BRAF: variants seen among roughly 807,000 people sequenced by gnomAD.
BRAF encodes B-Raf proto-oncogene, serine/threonine kinase.
Under a neutral mutation model 104.6 loss-of-function variants are expected in BRAF, and 16 were observed. The observed-to-expected ratio is 0.15, with a 90% CI of 0.10 to 0.23. The LOEUF (loss-of-function observed/expected upper bound fraction) is 0.23, where lower values mean the gene tolerates loss of function less well. Ranked by LOEUF, BRAF falls within the 10% of genes least tolerant of loss-of-function variation. The probability of loss-of-function intolerance (pLI) is 1.00; values close to 1 mark genes in which losing one functional copy is unlikely to be tolerated. For synonymous variants in BRAF, 310 were observed against 341.6 expected, an observed-to-expected ratio of 0.91 and a Z score of 1.02; for missense variants, 541 against 937.3, an observed-to-expected ratio of 0.58 and a Z score of 5.52.
At chr7:140,894,679 C>G (rs1166223789) in intron 1 of BRAF, among the ~76,000 whole-genome samples, 2 of 151,880 alleles carry the variant, frequency 1.3e-5, no homozygotes, top group East Asian at 3.9e-4. Context: ...ATGGGAAACA[C>G]ACACATACCC....
chr7:140,795,052 T>C (rs1168135846), intron 7 of BRAF, among the ~76,000 whole-genome samples: 3 of 152,186 alleles, frequency 2.0e-5, no homozygotes, highest in Non-Finnish European at 2.9e-5. Flanking sequence ...TTTTTTATCA[T>C]GCCCATTATT....
chr7:140,855,076 A>G (rs1310840173), intron 1 of BRAF, among the ~76,000 whole-genome samples: 2 of 152,196 alleles, frequency 1.3e-5, no homozygotes, highest in African/African-American at 2.4e-5. Context: ...AAAAAGTCAC[A>G]ATGACCCTTG....
Position 140,721,295 on chromosome 7 carries a change from A to G in BRAF, c.*5199T>C. The G allele has an allele frequency of 7.7e-6, 7 of 913,682 alleles. No individual in the cohort carries two copies. The highest frequency in any genetic ancestry group is 9.6e-6 in the Non-Finnish European group (7 of 730,438). 56.6% of individuals were successfully genotyped at this position (913,682 alleles called of 1,614,324 possible). A position where few individuals can be genotyped will look rare whatever the true frequency, so the allele number is the denominator to read the frequency against. ...GAGTTGCCGACTAATTGCCCCATGCATTTTTTTTTTTTAAAGCACTGTTAC... is the reference window on the plus strand; with the variant it reads ...GAGTTGCCGACTAATTGCCCCATGCGTTTTTTTTTTTTAAAGCACTGTTAC... On this transcript the variant is annotated 3_prime_UTR_variant, in exon 20 of 20. Coordinates refer to ENST00000644969, the MANE Select transcript of BRAF (RefSeq NM_001374258.1).
intron 2 of BRAF, among the ~76,000 whole-genome samples, chr7:140,843,437 T>C (rs1808202524): frequency 6.6e-6 from 1 of 152,220 alleles, no homozygotes; most frequent in South Asian, 2.1e-4. Context: ...CGCTTCTTGC[T>C]ATGTGAAAGG....
Position 140,719,483 on chromosome 7 carries a change from T to C in BRAF, c.*7011A>G. On this transcript the variant is annotated 3_prime_UTR_variant, in exon 20 of 20. Coordinates refer to ENST00000644969, the MANE Select transcript of BRAF (RefSeq NM_001374258.1). ...TCTGAATTTCAGCTATCTTTTTTTA[T>C]TCTCCATGCTTTCTATCCAAACTGA... is the stretch of plus-strand genomic sequence containing the variant. The C allele has an allele frequency of 9.8e-7, 1 of 1,019,782 alleles. No individual in the cohort carries two copies. The highest frequency in any genetic ancestry group is 1.2e-6 in the Non-Finnish European group (1 of 843,968). 63.2% of individuals were successfully genotyped at this position (1,019,782 alleles called of 1,614,324 possible). A position where few individuals can be genotyped will look rare whatever the true frequency, so the allele number is the denominator to read the frequency against.
At chr7:140,834,537 T>C (rs1377187724) in intron 3 of BRAF, 72 bp downstream of exon 3, 13 of 1,574,854 alleles carry the variant, frequency 8.3e-6, no homozygotes, top group Non-Finnish European at 8.7e-6. Context: ...TAATAATATA[T>C]TAATTTTCAA....
chr7:140,722,879 TCAA>T lies in BRAF; in HGVS notation c.*3612_*3614del, dbSNP rs1795386431. 9.5e-7 allele frequency: 1 copy of T among 1,055,026 alleles called. No homozygotes were observed. Among genetic ancestry groups the T allele is most frequent in the Non-Finnish European group, 1.1e-6 (1 of 872,808 alleles). The allele number at this position is 1,055,026 out of a possible 1,614,324, so 65.4% of individuals were successfully genotyped here. A position where few individuals can be genotyped will look rare whatever the true frequency, so the allele number is the denominator to read the frequency against. ...CCCTAAACCGGTTCTGGCACCACTT[TCAA>T]CAACATTCAGATATTCCGAGCAACA... On this transcript the variant is annotated 3_prime_UTR_variant, in exon 20 of 20. Transcript: ENST00000644969.
At chr7:140,808,811 G>C (rs912649093) in intron 4 of BRAF, 81 bp downstream of exon 4, 1 of 1,144,450 alleles carries the variant, frequency 8.7e-7, no homozygotes. Flanking sequence ...CCTAGGTTTT[G>C]GTAAAGATCC....
intron 1 of BRAF, among the ~76,000 whole-genome samples, chr7:140,897,015 T>C (rs923473365): frequency 2.6e-5 from 4 of 151,660 alleles, no homozygotes; most frequent in Non-Finnish European, 1.5e-5. Context: ...GCAATCACAA[T>C]GAAAATCCCA....
intron 1 of BRAF, among the ~76,000 whole-genome samples, chr7:140,897,476 G>C (rs1815072254): frequency 6.7e-6 from 1 of 150,180 alleles, no homozygotes; most frequent in South Asian, 2.1e-4. Context: ...ACTCTGGATA[G>C]GAAAGATTTC....
intron 1 of BRAF, among the ~76,000 whole-genome samples, chr7:140,872,506 C>G (rs1203144185): frequency 6.6e-6 from 1 of 152,026 alleles, no homozygotes; most frequent in Non-Finnish European, 1.5e-5. Context: ...AAGAATTTCT[C>G]CTTGAGCCAA....
intron 2 of BRAF, 90 bp downstream of exon 2, chr7:140,850,021 C>T: frequency 1.0e-6 from 1 of 985,500 alleles, no homozygotes. Context: ...ATCCCACCTC[C>T]TAAAATAATC....
chr7:140,790,842 C>T (rs1801873567), intron 8 of BRAF, among the ~76,000 whole-genome samples: 1 of 152,334 alleles, frequency 6.6e-6, no homozygotes, highest in South Asian at 2.1e-4. Context: ...TGCAGTGGCT[C>T]ACGCCTGTAA....
chr7:140,814,520 C>T (rs1358018079), intron 3 of BRAF, among the ~76,000 whole-genome samples: 1 of 151,658 alleles, frequency 6.6e-6, no homozygotes, highest in Non-Finnish European at 1.5e-5. Flanking sequence ...CAAAAATTAG[C>T]CAGGCATGGT....
At chr7:140,781,857 C>T (rs1407590356) in intron 11 of BRAF, among the ~76,000 whole-genome samples, 164 bp from the exon 11 acceptor site, 1 of 152,114 alleles carries the variant, frequency 6.6e-6, no homozygotes, top group Non-Finnish European at 1.5e-5. Context: ...TCTTAAAATA[C>T]AAAACTTAAA....
rs11765663 is a variant in BRAF at position 140,761,025 on chromosome 7, C to T, written c.1815-6792G>A. Among the ~76,000 whole-genome samples the T allele has an allele frequency of 5.7e-3, 874 of 152,088 alleles. 6 individuals are homozygous for T. The highest frequency in any genetic ancestry group is 0.01 in the Middle Eastern group (3 of 294). ...CAAGGCAGGCCAATGTTCAGATTCACGAAATACAGAGAACGCCACAAAGAT... is the reference window on the plus strand; with the variant it reads ...CAAGGCAGGCCAATGTTCAGATTCATGAAATACAGAGAACGCCACAAAGAT... On this transcript the variant is annotated intron_variant, in intron 14 of 19. Transcript: ENST00000644969.
chr7:140,797,135 C>T (rs953633303), intron 7 of BRAF, among the ~76,000 whole-genome samples: 9 of 152,108 alleles, frequency 5.9e-5, no homozygotes, highest in Non-Finnish European at 1.3e-4. Context: ...TGCAGTAAAC[C>T]TCTTTAAAGC....
At chr7:140,754,807 T>C (rs1798068698) in intron 14 of BRAF, among the ~76,000 whole-genome samples, 2 of 152,350 alleles carry the variant, frequency 1.3e-5, no homozygotes, top group South Asian at 4.1e-4. Flanking sequence ...GAATGTAAAC[T>C]ACTAGAACAT....
intron 1 of BRAF, among the ~76,000 whole-genome samples, chr7:140,892,402 T>G (rs1814344647): frequency 6.6e-6 from 1 of 152,234 alleles, no homozygotes; most frequent in Non-Finnish European, 1.5e-5. Context: ...TCAATTCAGA[T>G]ACTTTTTAGA....
Sources: allele counts gnomAD v4.1 joint callset (sites outside exome capture counted in the v4.1 genomes callset), GRCh38; gene constraint gnomAD v4.1.1; transcripts MANE v1.5; gene names NCBI Gene and HGNC (gene_info 2026-07-23, HGNC 2026-07-21).